The following GRM8 variants were observed in gnomAD, a reference collection of about 807,000 sequenced individuals.
GRM8 encodes metabotropic glutamate receptor 8.
GRM8 carries 47 observed loss-of-function variants against 87.2 expected under a neutral mutation model. The observed-to-expected ratio is 0.54, with a 90% CI of 0.43 to 0.69. The LOEUF is 0.69. Ranked by LOEUF, GRM8 falls within the 30% of genes least tolerant of loss-of-function variation. GRM8 has a pLI of 0.00. For synonymous variants in GRM8, 396 were observed against 404.5 expected (o/e 0.98, Z 0.25); for missense variants, 1,019 against 1,139.2 (o/e 0.89, Z 1.52).
At chr7:126,538,018 T>C (rs908884093) in intron 8 of GRM8, among the ~76,000 whole-genome samples, 6 of 152,216 alleles carry the variant, frequency 3.9e-5, no homozygotes, top group African/African-American at 1.4e-4. Context: ...AAATACATGG[T>C]ATAACAAATG....
intron 1 of GRM8, among the ~76,000 whole-genome samples, chr7:127,248,064 TA>T (rs893610931): frequency 3.4e-4 from 51 of 151,790 alleles, no homozygotes; most frequent in African/African-American, 8.2e-4. Flanking sequence ...CCCAGGCATT[TA>T]AAAAAAAATC....
At chr7:126,674,227 CT>C (rs1806701287) in intron 7 of GRM8, among the ~76,000 whole-genome samples, 1 of 152,202 alleles carries the variant, frequency 6.6e-6, no homozygotes, top group East Asian at 1.9e-4. Context: ...ACTAAGTAGA[CT>C]TACAGATGTC....
intron 6 of GRM8, among the ~76,000 whole-genome samples, chr7:126,824,601 C>T (rs74800313): frequency 0.016 from 2,374 of 152,264 alleles, 30 homozygotes; most frequent in Non-Finnish European, 0.023. Flanking sequence ...ATGGCAGGCT[C>T]CAAGCTGTGG....
At chr7:126,666,311 T>C (rs1805761785) in intron 7 of GRM8, among the ~76,000 whole-genome samples, 1 of 152,136 alleles carries the variant, frequency 6.6e-6, no homozygotes, top group Admixed American at 6.6e-5. Context: ...ATAGCAGATA[T>C]TGAGATGACA....
chr7:127,017,708 T>C (rs2132182751), intron 3 of GRM8, among the ~76,000 whole-genome samples: 1 of 152,094 alleles, frequency 6.6e-6, no homozygotes, highest in South Asian at 2.1e-4. Context: ...GTGTGATAAC[T>C]GAAACCTGAG....
chr7:126,699,679 C>T (rs1008810184), intron 7 of GRM8, among the ~76,000 whole-genome samples: 1 of 152,042 alleles, frequency 6.6e-6, no homozygotes, highest in African/African-American at 2.4e-5. Flanking sequence ...TTTTTGCAGG[C>T]TACAAGGTAC....
chr7:126,861,979 T>C (rs1003682135), intron 6 of GRM8, among the ~76,000 whole-genome samples: 5 of 151,944 alleles, frequency 3.3e-5, no homozygotes, highest in Non-Finnish European at 7.4e-5. Context: ...TTTTGTTTTG[T>C]TTGGGTTTTG....
chr7:126,740,153 T>C (rs184434296), intron 7 of GRM8, among the ~76,000 whole-genome samples: 1 of 152,196 alleles, frequency 6.6e-6, no homozygotes, highest in African/African-American at 2.4e-5. Context: ...CATAAATAAA[T>C]GCCAGGCAAC....
intron 6 of GRM8, among the ~76,000 whole-genome samples, chr7:126,771,823 G>A (rs760092414): frequency 2.6e-5 from 4 of 152,092 alleles, no homozygotes; most frequent in Admixed American, 1.3e-4. Context: ...GCAAGTTTGC[G>A]AGCACAAAGA....
chr7:126,675,421 G>T (rs956496021), intron 7 of GRM8, among the ~76,000 whole-genome samples: 3 of 152,060 alleles, frequency 2.0e-5, no homozygotes, highest in African/African-American at 7.2e-5. Flanking sequence ...CCTAAGCCAG[G>T]AAAGGAAATA....
At chr7:126,449,254 A>G (rs1802353086) in intron 9 of GRM8, among the ~76,000 whole-genome samples, 1 of 151,832 alleles carries the variant, frequency 6.6e-6, no homozygotes. Flanking sequence ...CTCCCAGGCT[A>G]CAATCTAAAC....
chr7:127,117,795 C>T (rs535325163), intron 2 of GRM8, among the ~76,000 whole-genome samples: 1 of 152,316 alleles, frequency 6.6e-6, no homozygotes, highest in African/African-American at 2.4e-5. Context: ...GCAATCACTG[C>T]TGTGGTTCAA....
intron 3 of GRM8, among the ~76,000 whole-genome samples, chr7:126,955,558 T>C (rs1193217310): frequency 1.3e-5 from 2 of 152,192 alleles, no homozygotes; most frequent in South Asian, 2.1e-4. Flanking sequence ...TCAACATAAA[T>C]GATTTATTGT....
intron 3 of GRM8, among the ~76,000 whole-genome samples, chr7:126,979,568 A>G (rs1811327850): frequency 6.6e-6 from 1 of 152,202 alleles, no homozygotes; most frequent in South Asian, 2.1e-4. Flanking sequence ...CATGTGGTAC[A>G]AAGAAAGGTG....
At chr7:127,034,840 T>TA (rs1817702269) in intron 3 of GRM8, among the ~76,000 whole-genome samples, 1 of 152,176 alleles carries the variant, frequency 6.6e-6, no homozygotes, top group South Asian at 2.1e-4. Context: ...CTTTCCTCCC[T>TA]AAAAATAGCA....
At chr7:126,956,501 ATACTT>A (rs1212048505) in intron 3 of GRM8, among the ~76,000 whole-genome samples, 1 of 152,070 alleles carries the variant, frequency 6.6e-6, no homozygotes, top group Admixed American at 6.5e-5. Flanking sequence ...TTTTTTTATT[ATACTT>A]TAAGTTTTAG....
At chr7:126,762,283 A>T (rs560328146) in intron 7 of GRM8, among the ~76,000 whole-genome samples, 50 of 152,190 alleles carry the variant, frequency 3.3e-4, no homozygotes, top group Non-Finnish European at 5.4e-4. Flanking sequence ...TTAAAAGATT[A>T]TGTAGAGAAT....
intron 3 of GRM8, among the ~76,000 whole-genome samples, chr7:126,950,249 G>A (rs1807987025): frequency 2.0e-5 from 3 of 152,112 alleles, no homozygotes; most frequent in African/African-American, 7.2e-5. Context: ...ATAGCCAAAT[G>A]ATCTGATAGA....
chr7:127,236,997 C>T (rs10234740), intron 2 of GRM8, among the ~76,000 whole-genome samples: 1 of 152,056 alleles, frequency 6.6e-6, no homozygotes, highest in Non-Finnish European at 1.5e-5. Context: ...CTGCTTGTTA[C>T]TTGTAACAAA....
Sources: gnomAD v4.1 joint callset for allele counts (sites outside exome capture counted in the v4.1 genomes callset) on GRCh38, gnomAD v4.1.1 for gene constraint, MANE v1.5 for transcripts, NCBI Gene and HGNC (gene_info 2026-07-23, HGNC 2026-07-21) for gene names.